CPEB1: variants seen among roughly 807,000 people sequenced by gnomAD.
CPEB1 encodes the protein cytoplasmic polyadenylation element binding protein 1, also known as cytoplasmic polyadenylation element-binding protein 1.
A neutral mutation model predicts 65.8 loss-of-function variants in CPEB1; 7 were observed. That is an observed-to-expected ratio of 0.11 (90% CI 0.06 to 0.20). The LOEUF (loss-of-function observed/expected upper bound fraction) is 0.20. CPEB1 is among the 10% of genes least tolerant of loss of function. CPEB1 has a pLI of 1.00. For synonymous variants in CPEB1, 262 were observed against 260.0 expected, an observed-to-expected ratio of 1.01 and a Z score of -0.08; for missense variants, 551 against 712.2, an observed-to-expected ratio of 0.77 and a Z score of 2.58.
At chr15:82,582,466 T>C (rs555035259) in intron 3 of CPEB1, among the ~76,000 whole-genome samples, 99 of 152,278 alleles carry the variant, frequency 6.5e-4, no homozygotes, top group African/African-American at 2.2e-3. Flanking sequence ...CGTCTTTTTT[T>C]ACTAGAAAGC....
At chr15:82,605,991 T>C (rs1274342265) in intron 3 of CPEB1, among the ~76,000 whole-genome samples, 1 of 151,684 alleles carries the variant, frequency 6.6e-6, no homozygotes, top group Non-Finnish European at 1.5e-5. Context: ...TGAGGCGAGA[T>C]CGCGCCATTG....
rs2034863342 is a variant in CPEB1, at chr15:82,544,785, T to C, written c.1657-83A>G. 5 of 1,054,024 alleles carry C rather than the reference T, an allele frequency of 4.7e-6. No homozygotes were observed. In the South Asian group the frequency reaches 5.3e-5, roughly 11 times the overall value. The allele number at this position is 1,054,024 out of a possible 1,614,324, so 65.3% of individuals were successfully genotyped here. ...GCTGTTGCACGAGCTGCTTGTTCTG[T>C]TTGGAGAAGGGTGGGAGACTCCCGA... On this transcript the variant is annotated intron_variant, in intron 12 of 12. Transcript: ENST00000684509.
At chr15:82,621,600 A>G (rs905722341) in intron 3 of CPEB1, among the ~76,000 whole-genome samples, 8 of 151,256 alleles carry the variant, frequency 5.3e-5, no homozygotes, top group Non-Finnish European at 1.5e-5. Flanking sequence ...CCTGGGAAAC[A>G]AGAGTGAAAC....
At chr15:82,599,771 T>A (rs1243475488) in intron 3 of CPEB1, among the ~76,000 whole-genome samples, 1 of 151,966 alleles carries the variant, frequency 6.6e-6, no homozygotes, top group Non-Finnish European at 1.5e-5. Flanking sequence ...ACAACCAGAA[T>A]AAAACCAGGG....
At chr15:82,577,923 G>A (rs2040842234) in intron 3 of CPEB1, among the ~76,000 whole-genome samples, 1 of 151,602 alleles carries the variant, frequency 6.6e-6, no homozygotes, top group East Asian at 2.0e-4. Context: ...GGTGGATCAC[G>A]AGGTCAGGAG....
At chr15:82,641,168 G>A (rs1053445714) in intron 1 of CPEB1, among the ~76,000 whole-genome samples, 1 of 152,124 alleles carries the variant, frequency 6.6e-6, no homozygotes, top group Non-Finnish European at 1.5e-5. Flanking sequence ...TCAACTCCAA[G>A]TTATATGTAG....
intron 3 of CPEB1, among the ~76,000 whole-genome samples, chr15:82,596,501 T>G (rs1309435475): frequency 6.6e-6 from 1 of 150,970 alleles, no homozygotes; most frequent in Non-Finnish European, 1.5e-5. Flanking sequence ...AGGCCAGGAG[T>G]TGAAACTCCA....
intron 3 of CPEB1, among the ~76,000 whole-genome samples, chr15:82,606,985 C>CAT (rs1330601301): frequency 6.6e-6 from 1 of 151,042 alleles, no homozygotes; most frequent in Non-Finnish European, 1.5e-5. Flanking sequence ...AAACAAGAAA[C>CAT]ATATATATAA....
chr15:82,597,287 T>TA (rs1328838858), intron 3 of CPEB1, among the ~76,000 whole-genome samples: 7 of 152,208 alleles, frequency 4.6e-5, no homozygotes, highest in Non-Finnish European at 1.0e-4. Context: ...GATCAAAATG[T>TA]AGCAGGATTT....
chr15:82,620,129 C>T (rs546537506), intron 3 of CPEB1, among the ~76,000 whole-genome samples: 2 of 152,274 alleles, frequency 1.3e-5, no homozygotes, highest in South Asian at 4.1e-4. Context: ...CATATCTGGG[C>T]CGGGTGTGGT....
At chr15:82,575,204 TAC>T (rs2040520224) in intron 3 of CPEB1, among the ~76,000 whole-genome samples, 1 of 152,210 alleles carries the variant, frequency 6.6e-6, no homozygotes, top group Non-Finnish European at 1.5e-5. Flanking sequence ...AATCCCAATA[TAC>T]CAGACTTAAA....
chr15:82,593,648 A>G (rs1567207869), intron 3 of CPEB1, among the ~76,000 whole-genome samples: 2 of 152,206 alleles, frequency 1.3e-5, no homozygotes, highest in Non-Finnish European at 2.9e-5. Context: ...AGAATAATGA[A>G]TCCTTTCCAG....
At chr15:82,591,428 C>A (rs1277470781) in intron 3 of CPEB1, among the ~76,000 whole-genome samples, 1 of 152,074 alleles carries the variant, frequency 6.6e-6, no homozygotes, top group Admixed American at 6.5e-5. Context: ...CCATGCCCAG[C>A]TAATTTTTGT....
chr15:82,634,897 G>A (rs891275868), intron 1 of CPEB1, among the ~76,000 whole-genome samples: 1 of 152,032 alleles, frequency 6.6e-6, no homozygotes, highest in African/African-American at 2.4e-5. Context: ...TCGCTCTGTC[G>A]CCCAGGAGTG....
intron 3 of CPEB1, among the ~76,000 whole-genome samples, chr15:82,602,459 G>C (rs1236066374): frequency 6.6e-6 from 1 of 152,166 alleles, no homozygotes; most frequent in Admixed American, 6.5e-5. Context: ...TCAGATGGGA[G>C]GATCACTTGA....
Position 82,614,848 on chromosome 15 carries a change from A to AGTGTGTGT in CPEB1, c.271+12337_271+12344dup, listed in dbSNP as rs752486940. On this transcript the variant is annotated intron_variant, in intron 3 of 12. Coordinates refer to ENST00000684509, the MANE Select transcript of CPEB1 (RefSeq NM_001365242.1). ...ACCTAGTTCAACTCTTTAAAATATAAGTGTGTGTGTGTGTGTGTGTGTGTG... is the reference window on the plus strand; with the variant it reads ...ACCTAGTTCAACTCTTTAAAATATAAGTGTGTGTGTGTGTGTGTGTGTGTGTGTGTGTG... 7.6e-5 allele frequency among the ~76,000 whole-genome samples: 11 copies of AGTGTGTGT among 144,002 alleles called. No homozygotes were observed. The East Asian group carries it at 1.6e-3, about 21-fold the overall frequency. The allele number at this position is 144,002 out of a possible 152,430, so 94.5% of individuals were successfully genotyped here. A position where few individuals can be genotyped will look rare whatever the true frequency, so the allele number is the denominator to read the frequency against.
Position 82,544,443 on chromosome 15 carries a change from AAGAC to A in CPEB1, c.*145_*148del. On this transcript the variant is annotated 3_prime_UTR_variant, in exon 13 of 13. Transcript: ENST00000684509. Reference sequence around the variant, plus strand: ...ATGTGCATTAATTAGTGCAGAAACAAAGACAGATTCAGCAAGTGCAAAGGTGACT... The same window carrying A: ...ATGTGCATTAATTAGTGCAGAAACAAAGATTCAGCAAGTGCAAAGGTGACT... The A allele has an allele frequency of 8.1e-6, 5 of 620,464 alleles. No individual in the cohort carries two copies. Among genetic ancestry groups the A allele is most frequent in the Non-Finnish European group, 1.5e-5 (5 of 343,976 alleles). The allele number at this position is 620,464 out of a possible 1,614,324, so 38.4% of individuals were successfully genotyped here.
chr15:82,597,001 G>T lies in CPEB1; in HGVS notation c.272-25469C>A, dbSNP rs191577919. On this transcript the variant is annotated intron_variant, in intron 3 of 12. Coordinates refer to ENST00000684509, the MANE Select transcript of CPEB1 (RefSeq NM_001365242.1). ...TAGAAAACAAAAAAGGATATCCTTGGTGTGCCAAAATCACAAAGAATCCTA... is the reference window on the plus strand; with the variant it reads ...TAGAAAACAAAAAAGGATATCCTTGTTGTGCCAAAATCACAAAGAATCCTA... Among the ~76,000 whole-genome samples, 5 of 152,180 alleles carry T rather than the reference G, an allele frequency of 3.3e-5. No homozygotes were observed. In the East Asian group the frequency reaches 9.7e-4, roughly 29 times the overall value.
At chr15:82,594,327 G>A (rs1056047570) in intron 3 of CPEB1, among the ~76,000 whole-genome samples, 3 of 151,584 alleles carry the variant, frequency 2.0e-5, no homozygotes, top group Admixed American at 6.6e-5. Context: ...TTTATGTTAC[G>A]GAGACAGCTT....
Sources: allele counts gnomAD v4.1 joint callset (sites outside exome capture counted in the v4.1 genomes callset), GRCh38; gene constraint gnomAD v4.1.1; transcripts MANE v1.5; gene names NCBI Gene and HGNC (gene_info 2026-07-23, HGNC 2026-07-21).